Variants in OPCML observed in about 807,000 individuals in gnomAD.
OPCML encodes opioid binding protein/cell adhesion molecule like, also known as opioid-binding protein/cell adhesion molecule.
A neutral mutation model predicts 37.8 loss-of-function variants in OPCML; 13 were observed. The ratio of observed to expected loss-of-function variants is 0.34; its 90% CI spans 0.22 to 0.55. OPCML has a LOEUF of 0.55. Among genes scored for constraint, OPCML ranks in the 20% least tolerant of loss-of-function variants. OPCML has a pLI of 0.91. For missense variants in OPCML, 341 were observed against 435.6 expected, an observed-to-expected ratio of 0.78 and a Z score of 1.93; for synonymous variants, 176 against 168.8, an observed-to-expected ratio of 1.04 and a Z score of -0.33.
intron 2 of OPCML, among the ~76,000 whole-genome samples, chr11:132,741,478 G>A (rs920291373): frequency 2.6e-5 from 4 of 152,016 alleles, no homozygotes; most frequent in South Asian, 2.1e-4. Context: ...GGCATGACTC[G>A]ACTCTTCTTC....
intron 1 of OPCML, among the ~76,000 whole-genome samples, chr11:133,394,981 A>G (rs1020694043): frequency 2.6e-4 from 40 of 152,212 alleles, no homozygotes; most frequent in Non-Finnish European, 4.7e-4. Context: ...ACTAATTTAC[A>G]TTCCCACTGA....
At chr11:132,844,975 TG>T (rs1490548132) in intron 2 of OPCML, among the ~76,000 whole-genome samples, 62 of 151,018 alleles carry the variant, frequency 4.1e-4, no homozygotes, top group African/African-American at 1.4e-3. Context: ...ATTTTTTTTT[TG>T]TTTTTGTTTT....
chr11:132,988,222 A>G (rs971430498), intron 1 of OPCML, among the ~76,000 whole-genome samples: 1 of 152,208 alleles, frequency 6.6e-6, no homozygotes, highest in East Asian at 1.9e-4. Flanking sequence ...TCACTGGTCA[A>G]GGCTGTGGTT....
At position 133,306,262 on chromosome 11, in the gene OPCML, A is replaced by C. The variant is rs554933946; in HGVS notation, c.61+226002T>G. 2.0e-5 allele frequency among the ~76,000 whole-genome samples: 3 copies of C among 152,262 alleles called. No individual in the cohort carries two copies. The East Asian group carries it at 5.8e-4, about 29-fold the overall frequency. ...AAAACAGGTGTCTGTGTTTCTGAGT[A>C]CTCTGGAAATACCATAATGACGCAG... On this transcript the variant is annotated intron_variant, in intron 1 of 7. Coordinates refer to ENST00000524381, the MANE Select transcript of OPCML (RefSeq NM_001012393.5).
intron 2 of OPCML, among the ~76,000 whole-genome samples, chr11:132,889,706 AG>A (rs1943569067): frequency 1.3e-5 from 2 of 152,214 alleles, no homozygotes; most frequent in South Asian, 4.1e-4. Flanking sequence ...TCTGGATCTA[AG>A]AAAGGTAGCA....
intron 1 of OPCML, among the ~76,000 whole-genome samples, chr11:133,034,308 G>GGGGTGTGTGTGTGT (rs1555079919): frequency 6.3e-5 from 9 of 143,536 alleles, no homozygotes; most frequent in Non-Finnish European, 9.1e-5. Flanking sequence ...TGTATGTATA[G>GGGGTGTGTGTGTGT]GTGTGTGTGT....
chr11:133,324,008 G>T (rs767840555), intron 1 of OPCML, among the ~76,000 whole-genome samples: 27 of 152,342 alleles, frequency 1.8e-4, no homozygotes, highest in Non-Finnish European at 2.9e-4. Flanking sequence ...GCTTGGGAGA[G>T]AGCTTTGAAC....
intron 1 of OPCML, among the ~76,000 whole-genome samples, chr11:133,044,349 C>T (rs775132072): frequency 9.2e-5 from 14 of 152,118 alleles, no homozygotes; most frequent in Non-Finnish European, 1.5e-4. Flanking sequence ...GGCCAGATCA[C>T]GCAATGCTTT....
intron 4 of OPCML, among the ~76,000 whole-genome samples, chr11:132,518,519 G>A (rs994664682): frequency 3.3e-5 from 5 of 152,164 alleles, no homozygotes; most frequent in African/African-American, 1.2e-4. Context: ...GCCAGCTCCA[G>A]CACACCTCGG....
intron 2 of OPCML, among the ~76,000 whole-genome samples, chr11:132,674,817 C>T (rs77088903): frequency 0.02 from 3,006 of 152,242 alleles, 100 homozygotes; most frequent in African/African-American, 0.068. Context: ...CAATATCCCT[C>T]TCTAAGGCAC....
At chr11:133,089,642 A>T (rs1948873893) in intron 1 of OPCML, among the ~76,000 whole-genome samples, 1 of 152,186 alleles carries the variant, frequency 6.6e-6, no homozygotes, top group Admixed American at 6.5e-5. Context: ...AAAGAATATG[A>T]TTAAGTCCCT....
chr11:132,959,796 A>G (rs1344732592), intron 1 of OPCML, among the ~76,000 whole-genome samples: 4 of 152,212 alleles, frequency 2.6e-5, no homozygotes, highest in Non-Finnish European at 1.5e-5. Context: ...TTCAGGACAC[A>G]CCCTGCTAAC....
chr11:132,833,215 C>G (rs1940806902), intron 2 of OPCML, among the ~76,000 whole-genome samples: 1 of 152,106 alleles, frequency 6.6e-6, no homozygotes, highest in South Asian at 2.1e-4. Context: ...CACAGCTGTA[C>G]ATATATTTCC....
chr11:133,366,980 ACTTT>A (rs1422113914), intron 1 of OPCML, among the ~76,000 whole-genome samples: 7 of 151,238 alleles, frequency 4.6e-5, no homozygotes, highest in African/African-American at 1.5e-4. Context: ...CATCGAATGC[ACTTT>A]CTTTTTTTTT....
intron 1 of OPCML, among the ~76,000 whole-genome samples, chr11:133,294,794 T>TG (rs1236629998): frequency 7.4e-6 from 1 of 134,772 alleles, no homozygotes; most frequent in Non-Finnish European, 1.7e-5. Flanking sequence ...TTTCTTTTTT[T>TG]TTTTCTTTCT....
At chr11:133,171,363 T>G (rs1300314093) in intron 1 of OPCML, among the ~76,000 whole-genome samples, 1 of 152,156 alleles carries the variant, frequency 6.6e-6, no homozygotes, top group African/African-American at 2.4e-5. Flanking sequence ...TTTGCCTCAA[T>G]CCGCTCCACA....
intron 1 of OPCML, among the ~76,000 whole-genome samples, chr11:132,953,749 C>A (rs1945914091): frequency 6.6e-6 from 1 of 152,156 alleles, no homozygotes; most frequent in Non-Finnish European, 1.5e-5. Flanking sequence ...GTTTGCCAGG[C>A]TCTAAATCTG....
At chr11:132,612,503 A>G (rs1352319670) in intron 3 of OPCML, among the ~76,000 whole-genome samples, 38 of 152,204 alleles carry the variant, frequency 2.5e-4, no homozygotes, top group Admixed American at 2.4e-3. Flanking sequence ...GTGCTGATTC[A>G]GTCATACTCC....
intron 4 of OPCML, among the ~76,000 whole-genome samples, chr11:132,495,715 A>C (rs2137092432): frequency 6.6e-6 from 1 of 151,964 alleles, no homozygotes; most frequent in African/African-American, 2.4e-5. Context: ...CACAGTGAAA[A>C]CCCGTCTCCA....
Sources: gnomAD v4.1 joint callset for allele counts (sites outside exome capture counted in the v4.1 genomes callset) on GRCh38, gnomAD v4.1.1 for gene constraint, MANE v1.5 for transcripts, NCBI Gene and HGNC (gene_info 2026-07-23, HGNC 2026-07-21) for gene names.